The following ANK1 variants were observed in gnomAD, a reference collection of about 807,000 sequenced individuals.
ANK1 encodes the protein ankyrin 1.
In ANK1, 51 loss-of-function variants were observed where a neutral mutation model predicts 210.4. The ratio of observed to expected loss-of-function variants is 0.24; its 90% CI spans 0.19 to 0.31. ANK1 has a LOEUF of 0.31. Ranked by LOEUF, ANK1 falls within the 10% of genes least tolerant of loss-of-function variation. ANK1 has a pLI of 1.00. For missense variants in ANK1, 2,051 were observed against 2,504.4 expected (o/e 0.82, Z 3.86); for synonymous variants, 967 against 1,025.9 (o/e 0.94, Z 1.10).
intron 1 of ANK1, among the ~76,000 whole-genome samples, chr8:41,853,805 G>A (rs1386045008): frequency 6.6e-6 from 1 of 151,920 alleles, no homozygotes; most frequent in Non-Finnish European, 1.5e-5. Flanking sequence ...CTGTCACCCA[G>A]GCTAGAGTTC....
chr8:41,721,656 CAAAAAAAAAAAAAAAAA>C (rs55653901), intron 9 of ANK1, among the ~76,000 whole-genome samples: 10 of 108,120 alleles, frequency 9.2e-5, no homozygotes, highest in East Asian at 4.3e-4. Flanking sequence ...GACTTCATCT[CAAAAAAAAAAAAAAAAA>C]AAAAAAAAAA....
In ANK1 at chr8:41,825,468, G is replaced by A. The variant is rs190099307; in HGVS notation, c.127-67331C>T. On this transcript the variant is annotated intron_variant, in intron 1 of 42. Transcript: ENST00000265709. ...CATGTCCACCGTACAGTCAGAAGTC[G>A]TTTTGGCCACCAACAGTTCAGTGTT... Among the ~76,000 whole-genome samples, 114 of 152,286 alleles carry A rather than the reference G, an allele frequency of 7.5e-4. 1 individual carries two copies. Among genetic ancestry groups the A allele is most frequent in the South Asian group, 4.3e-3 (21 of 4,828 alleles).
intron 1 of ANK1, among the ~76,000 whole-genome samples, chr8:41,876,421 CT>C (rs1563949755): frequency 6.6e-6 from 1 of 152,230 alleles, no homozygotes; most frequent in African/African-American, 2.4e-5. Flanking sequence ...ATCGTGCCCC[CT>C]GGGGGCTGGG....
At chr8:41,813,329 T>G (rs181477249) in intron 1 of ANK1, among the ~76,000 whole-genome samples, 1 of 152,266 alleles carries the variant, frequency 6.6e-6, no homozygotes, top group African/African-American at 2.4e-5. Flanking sequence ...TGATTCCAAG[T>G]CAGAAAGGTG....
chr8:41,841,908 G>A (rs918031146), intron 1 of ANK1, among the ~76,000 whole-genome samples: 7 of 152,196 alleles, frequency 4.6e-5, no homozygotes, highest in Admixed American at 2.0e-4. Flanking sequence ...GTCACCTGCC[G>A]TGGGGACTCC....
At chr8:41,671,161 G>A (rs1451702337) in intron 38 of ANK1, among the ~76,000 whole-genome samples, 5 of 152,290 alleles carry the variant, frequency 3.3e-5, no homozygotes, top group South Asian at 2.1e-4. Flanking sequence ...TTTCTGCTGC[G>A]GCACAGGGCG....
At chr8:41,854,393 A>G (rs11996388) in intron 1 of ANK1, among the ~76,000 whole-genome samples, 1 of 152,168 alleles carries the variant, frequency 6.6e-6, no homozygotes, top group African/African-American at 2.4e-5. Flanking sequence ...AAGGAGCCAA[A>G]TAATTCCAGC....
At chr8:41,822,064 A>AAGAGAGAGAGAGAGAGAGAG (rs10605195) in intron 1 of ANK1, among the ~76,000 whole-genome samples, 1 of 36,240 alleles carries the variant, frequency 2.8e-5, no homozygotes, top group African/African-American at 1.5e-4. Context: ...GAAAGAAAGA[A>AAGAGAGAGAGAGAGAGAGAG]AGAGAGAGAG....
At chr8:41,831,168 C>T (rs1188941976) in intron 1 of ANK1, among the ~76,000 whole-genome samples, 1 of 152,168 alleles carries the variant, frequency 6.6e-6, no homozygotes, top group Admixed American at 6.5e-5. Context: ...CGTCATCTGA[C>T]CTCTCAAGGC....
intron 1 of ANK1, among the ~76,000 whole-genome samples, chr8:41,888,567 TA>T (rs1234905759): frequency 6.6e-6 from 1 of 152,150 alleles, no homozygotes; most frequent in Non-Finnish European, 1.5e-5. Context: ...CATAAAAAGC[TA>T]AAGGCCCAGA....
At chr8:41,744,417 C>G (rs1399818606) in intron 2 of ANK1, among the ~76,000 whole-genome samples, 1 of 152,032 alleles carries the variant, frequency 6.6e-6, no homozygotes, top group East Asian at 1.9e-4. Flanking sequence ...CAACACAATA[C>G]TGATCAATTA....
chr8:41,703,234 G>T (rs1021544249), intron 20 of ANK1, among the ~76,000 whole-genome samples: 6 of 151,756 alleles, frequency 4.0e-5, no homozygotes, highest in African/African-American at 1.5e-4. Context: ...GATTGCTGAT[G>T]TCACTAAAGA....
chr8:41,793,687 T>C (rs1463352834), intron 1 of ANK1, among the ~76,000 whole-genome samples: 2 of 152,218 alleles, frequency 1.3e-5, no homozygotes. Flanking sequence ...TGACAGCTCA[T>C]GCTCCAGAAC....
chr8:41,704,246 C>G lies in ANK1; in HGVS notation c.2197-107G>C. 1 of 1,357,182 alleles carries G rather than the reference C, an allele frequency of 7.4e-7. No homozygotes were observed. Among genetic ancestry groups the G allele is most frequent in the Non-Finnish European group, 1.1e-6 (1 of 949,444 alleles). The allele number at this position is 1,357,182 out of a possible 1,614,324, so 84.1% of individuals were successfully genotyped here. A position where few individuals can be genotyped will look rare whatever the true frequency, so the allele number is the denominator to read the frequency against. On this transcript the variant is annotated intron_variant, in intron 19 of 42. Transcript: ENST00000289734. The surrounding 1 kb of genome is among the most constrained non-coding windows in gnomAD (Gnocchi z 4.1). Reference sequence around the variant, plus strand: ...TTCGAAGTGGGACATTAATGAAATGCATTTTCCCCCTTTCTTCCTTCAGGG... The same window carrying G: ...TTCGAAGTGGGACATTAATGAAATGGATTTTCCCCCTTTCTTCCTTCAGGG...
At chr8:41,844,547 G>A (rs867503220) in intron 1 of ANK1, among the ~76,000 whole-genome samples, 7 of 152,150 alleles carry the variant, frequency 4.6e-5, no homozygotes, top group African/African-American at 1.7e-4. Flanking sequence ...ACAGGGGGGC[G>A]GGCAGCACAG....
Position 41,818,066 on chromosome 8 carries a change from G to A in ANK1, c.127-59929C>T, listed in dbSNP as rs1803614377. On this transcript the variant is annotated intron_variant, in intron 1 of 42. Coordinates refer to the ANK1 transcript ENST00000265709. Reference sequence around the variant, plus strand: ...AATAACCCACGTGCCCCCGCTGGCTGCAAAGTCAAACAAAGTTCTTGGGGA... The same window carrying A: ...AATAACCCACGTGCCCCCGCTGGCTACAAAGTCAAACAAAGTTCTTGGGGA... Among the ~76,000 whole-genome samples, 3 of 152,194 alleles carry A rather than the reference G, an allele frequency of 2.0e-5. No individual in the cohort carries two copies. In the South Asian group the frequency reaches 6.2e-4, roughly 31 times the overall value.
chr8:41,688,518 G>A lies in ANK1; in HGVS notation c.4176C>T (p.Ser1392=). The change falls in exon 34 of 43, where the codon TCC becomes TCT. Residue 1392 remains serine (S), a synonymous_variant. Transcript: ENST00000289734. Reference sequence around the variant, plus strand: ...ATCACACAGAGGCCGTACCTGGTGTGGACTCACTGAGAATGCTGTATCGCA... The same window carrying A: ...ATCACACAGAGGCCGTACCTGGTGTAGACTCACTGAGAATGCTGTATCGCA... The part of the protein sequence containing the change: ...LALRYSILSE[S]TPGSLSGTEQ... 1 of 1,614,094 alleles carries A rather than the reference G, an allele frequency of 6.2e-7. No homozygotes were observed. Among genetic ancestry groups the A allele is most frequent in the Non-Finnish European group, 8.5e-7 (1 of 1,179,930 alleles).
At chr8:41,665,410 T>A in intron 39 of ANK1, 1 of 620,110 alleles carries the variant, frequency 1.6e-6, no homozygotes, top group Non-Finnish European at 2.4e-6. Context: ...ACTGTGTGAG[T>A]GACACCCGCT....
At chr8:41,748,817 C>T (rs568101141) in intron 2 of ANK1, among the ~76,000 whole-genome samples, 16 of 152,260 alleles carry the variant, frequency 1.1e-4, no homozygotes, top group South Asian at 4.2e-4. Flanking sequence ...GGGCAGATCA[C>T]GAGGTCAGGA....
Sources: gnomAD v4.1 joint callset for allele counts (sites outside exome capture counted in the v4.1 genomes callset) on GRCh38, gnomAD v4.1.1 for gene constraint, Gnocchi (gnomAD v3.1) non-coding constraint, MANE v1.5 for transcripts, NCBI Gene and HGNC (gene_info 2026-07-23, HGNC 2026-07-21) for gene names.